Variants in CLIC4 observed in about 807,000 individuals in gnomAD.
The protein encoded by CLIC4 is CLIC family member 4.
In CLIC4, 13 loss-of-function variants were observed where a neutral mutation model predicts 24.6. That is an observed-to-expected ratio of 0.53 (90% confidence interval 0.34 to 0.84). The LOEUF (loss-of-function observed/expected upper bound fraction) is 0.84. Ranked by LOEUF, CLIC4 falls within the 40% of genes least tolerant of loss-of-function variation. The pLI, the probability that CLIC4 is intolerant of heterozygous loss-of-function variation, is 0.01. For synonymous variants in CLIC4, 104 were observed against 111.3 expected, an observed-to-expected ratio of 0.93 and a Z score of 0.41; for missense variants, 227 against 301.7, an observed-to-expected ratio of 0.75 and a Z score of 1.83.
chr1:24,765,815 C>CTTTTTT (rs34506030), intron 1 of CLIC4, among the ~76,000 whole-genome samples: 9 of 135,378 alleles, frequency 6.6e-5, no homozygotes, highest in Non-Finnish European at 1.1e-4. Flanking sequence ...TTCTTTCTTT[C>CTTTTTT]TTTTTTTTTT....
chr1:24,791,792 C>T (rs1639342423), intron 1 of CLIC4, among the ~76,000 whole-genome samples: 4 of 152,038 alleles, frequency 2.6e-5, no homozygotes, highest in Admixed American at 2.6e-4. Flanking sequence ...AGGAGAATCA[C>T]TTGAACCTCG....
chr1:24,805,233 A>T (rs1639538230), intron 2 of CLIC4, among the ~76,000 whole-genome samples: 1 of 152,178 alleles, frequency 6.6e-6, no homozygotes, highest in African/African-American at 2.4e-5. Flanking sequence ...GATTAACAAT[A>T]TTTAATCCAA....
intron 1 of CLIC4, among the ~76,000 whole-genome samples, chr1:24,760,325 C>T (rs1362538520): frequency 6.6e-6 from 1 of 151,844 alleles, no homozygotes; most frequent in African/African-American, 2.4e-5. Flanking sequence ...TAGATTGCAC[C>T]ACTGCACTCC....
intron 2 of CLIC4, among the ~76,000 whole-genome samples, chr1:24,802,880 T>G (rs927518420): frequency 4.6e-5 from 7 of 152,100 alleles, no homozygotes; most frequent in African/African-American, 1.7e-4. Context: ...CCTGGCTAAT[T>G]TTTTATTTTT....
intron 1 of CLIC4, among the ~76,000 whole-genome samples, chr1:24,768,053 C>T (rs1356372406): frequency 6.6e-6 from 1 of 152,058 alleles, no homozygotes; most frequent in Non-Finnish European, 1.5e-5. Context: ...GTTGGTCAGG[C>T]TGATCTCGGA....
At chr1:24,825,665 T>C (rs749655661) in intron 3 of CLIC4, among the ~76,000 whole-genome samples, 11 of 152,250 alleles carry the variant, frequency 7.2e-5, no homozygotes, top group African/African-American at 1.4e-4. Flanking sequence ...AGGTGTTCCA[T>C]AGATATTTTA....
intron 2 of CLIC4, among the ~76,000 whole-genome samples, chr1:24,806,838 A>C (rs1403256650): frequency 6.6e-6 from 1 of 152,224 alleles, no homozygotes; most frequent in African/African-American, 2.4e-5. Flanking sequence ...CAGACAAAGC[A>C]GATCTTATAA....
At chr1:24,798,631 T>C (rs4649020) in intron 2 of CLIC4, among the ~76,000 whole-genome samples, 150,508 of 152,316 alleles carry the variant, frequency 0.99, 74,383 homozygotes, top group East Asian at 1. Flanking sequence ...GTATTGCTCT[T>C]CCTCTCCCTC....
At chr1:24,753,212 G>A (rs1638801044) in intron 1 of CLIC4, among the ~76,000 whole-genome samples, 1 of 152,036 alleles carries the variant, frequency 6.6e-6, no homozygotes, top group Non-Finnish European at 1.5e-5. Context: ...ATATAAGCAA[G>A]GTATAAAAGA....
chr1:24,839,181 C>G (rs1639914363), intron 4 of CLIC4, among the ~76,000 whole-genome samples: 7 of 152,074 alleles, frequency 4.6e-5, no homozygotes, highest in Admixed American at 4.6e-4. Context: ...CAAAAATCTG[C>G]CTCTAAGATT....
chr1:24,798,181 G>A (rs1220259859), intron 2 of CLIC4, among the ~76,000 whole-genome samples: 1 of 152,206 alleles, frequency 6.6e-6, no homozygotes, highest in African/African-American at 2.4e-5. Flanking sequence ...TTTCTAAGCA[G>A]ACATCATCTT....
intron 2 of CLIC4, 139 bp downstream of exon 2, chr1:24,797,990 G>A (rs2124132100): frequency 3.2e-6 from 2 of 631,948 alleles, no homozygotes; most frequent in Middle Eastern, 3.7e-4. Flanking sequence ...CAAACAACTT[G>A]TATATAACTA....
At chr1:24,840,639 T>C in intron 5 of CLIC4, 134 bp from the exon 6 acceptor site, 1 of 692,270 alleles carries the variant, frequency 1.4e-6, no homozygotes, top group Non-Finnish European at 2.3e-6. Context: ...AGAATGATGG[T>C]GATGGACTTT....
intron 2 of CLIC4, among the ~76,000 whole-genome samples, chr1:24,799,734 T>C (rs1361984600): frequency 7.8e-6 from 1 of 127,632 alleles, no homozygotes; most frequent in Non-Finnish European, 1.7e-5. Context: ...AGCCGCCCCG[T>C]CCGGGAGGGA....
intron 1 of CLIC4, among the ~76,000 whole-genome samples, chr1:24,750,517 C>T (rs1317671277): frequency 6.6e-6 from 1 of 150,892 alleles, no homozygotes; most frequent in Admixed American, 6.6e-5. Flanking sequence ...AGGTGTGCAC[C>T]ACCACACCTG....
At chr1:24,771,772 A>G (rs1463269178) in intron 1 of CLIC4, 20 of 469,958 alleles carry the variant, frequency 4.3e-5, no homozygotes, top group Admixed American at 3.7e-4. Context: ...GCTACTCACT[A>G]TATAGCTATT....
chr1:24,757,903 G>C (rs1638871602), intron 1 of CLIC4, among the ~76,000 whole-genome samples: 1 of 151,908 alleles, frequency 6.6e-6, no homozygotes, highest in Non-Finnish European at 1.5e-5. Context: ...AAGTAGCTGG[G>C]ACCACAGGCG....
chr1:24,820,079 G>GTATATATATATATA (rs779189334), intron 3 of CLIC4, among the ~76,000 whole-genome samples: 1 of 46,334 alleles, frequency 2.2e-5, no homozygotes, highest in Non-Finnish European at 4.0e-5. Flanking sequence ...ATATATATAT[G>GTATATATATATATA]TATATATATA....
intron 3 of CLIC4, among the ~76,000 whole-genome samples, chr1:24,816,397 G>A (rs1639669474): frequency 1.3e-5 from 2 of 152,004 alleles, no homozygotes; most frequent in African/African-American, 4.8e-5. Context: ...CTGCCGCCAT[G>A]ACCAGCTAAT....
Sources: allele counts gnomAD v4.1 joint callset (sites outside exome capture counted in the v4.1 genomes callset), GRCh38; gene constraint gnomAD v4.1.1; transcripts MANE v1.5; gene names NCBI Gene and HGNC (gene_info 2026-07-23, HGNC 2026-07-21).